Variants in SH3D19 observed in about 807,000 individuals in gnomAD.
The protein encoded by SH3D19 is SH3 domain-containing protein 19.
Under a neutral mutation model 112.1 loss-of-function variants are expected in SH3D19, and 58 were observed. That is an observed-to-expected ratio of 0.52 (90% confidence interval 0.42 to 0.64). The LOEUF (loss-of-function observed/expected upper bound fraction) is 0.64. Ranked by LOEUF, SH3D19 falls within the 30% of genes least tolerant of loss-of-function variation. The pLI, the probability that SH3D19 is intolerant of heterozygous loss-of-function variation, is 0.00. For missense variants in SH3D19, 1,090 were observed against 1,263.4 expected (o/e 0.86, Z 2.08); for synonymous variants, 391 against 448.5 (o/e 0.87, Z 1.62).
chr4:151,154,682 T>C (rs1289645900), intron 9 of SH3D19, among the ~76,000 whole-genome samples: 1 of 151,974 alleles, frequency 6.6e-6, no homozygotes, highest in Non-Finnish European at 1.5e-5. Flanking sequence ...GTTCAAGCAA[T>C]TTTCGTGCCT....
At chr4:151,290,811 A>G (rs1375858878) in intron 1 of SH3D19, among the ~76,000 whole-genome samples, 2 of 152,220 alleles carry the variant, frequency 1.3e-5, no homozygotes, top group Non-Finnish European at 2.9e-5. Flanking sequence ...AAATTAAGGC[A>G]GTTCATTCAT....
intron 13 of SH3D19, 23 bp downstream of exon 13, chr4:151,139,752 C>T (rs993956450): frequency 1.2e-6 from 2 of 1,608,064 alleles, no homozygotes; most frequent in Non-Finnish European, 1.7e-6. Context: ...GTGGTTCTCC[C>T]ACTGCATTAT....
intron 1 of SH3D19, among the ~76,000 whole-genome samples, chr4:151,248,243 TG>T (rs1386413023): frequency 6.6e-6 from 1 of 152,102 alleles, no homozygotes; most frequent in Non-Finnish European, 1.5e-5. Context: ...GGATTACAGG[TG>T]TAAGTCACCG....
chr4:151,260,286 A>G lies in SH3D19; in HGVS notation c.113-34200T>C, dbSNP rs1443610023. ...ATTTGCTGATAACACTCGCACTTGC[A>G]TCTCTAGCCCCAAACACTAGTCCTG... On this transcript the variant is annotated intron_variant, in intron 1 of 19. Transcript: ENST00000604030. Among the ~76,000 whole-genome samples, 4 of 152,276 alleles carry G rather than the reference A, an allele frequency of 2.6e-5. No homozygotes were observed. In the East Asian group the frequency reaches 5.8e-4, roughly 22 times the overall value.
chr4:151,237,070 C>G (rs932612236), intron 1 of SH3D19, among the ~76,000 whole-genome samples: 2 of 152,204 alleles, frequency 1.3e-5, no homozygotes, highest in Non-Finnish European at 2.9e-5. Context: ...GCTGCTCACC[C>G]TTTGGGTCTG....
intron 1 of SH3D19, among the ~76,000 whole-genome samples, chr4:151,245,571 G>T (rs1365142177): frequency 1.3e-5 from 2 of 152,084 alleles, no homozygotes; most frequent in African/African-American, 4.8e-5. Context: ...TTTATTGGAT[G>T]GCTTTGCATT....
rs375207164 is a variant in SH3D19, at chr4:151,304,775, G to A, written c.112+20466C>T. ...TCTAGAAGGCCAACTGTATTACCAG[G>A]ATGGGCATATGCTCAGAAAAGACCT... On this transcript the variant is annotated intron_variant, in intron 1 of 19. Transcript: ENST00000604030. Among the ~76,000 whole-genome samples, 53 of 152,270 alleles carry A rather than the reference G, an allele frequency of 3.5e-4. 1 individual carries two copies. In the South Asian group the frequency reaches 0.011, roughly 30 times the overall value.
chr4:151,251,119 A>G (rs1219765083), intron 1 of SH3D19, among the ~76,000 whole-genome samples: 3 of 151,672 alleles, frequency 2.0e-5, no homozygotes, highest in African/African-American at 7.3e-5. Flanking sequence ...GTTATAACCA[A>G]TACCTGCACC....
At chr4:151,189,725 A>C (rs1762347206) in intron 2 of SH3D19, among the ~76,000 whole-genome samples, 1 of 152,220 alleles carries the variant, frequency 6.6e-6, no homozygotes, top group Non-Finnish European at 1.5e-5. Context: ...GAGTCCAAAA[A>C]GAAAGTTTAC....
intron 1 of SH3D19, among the ~76,000 whole-genome samples, chr4:151,244,160 G>C: frequency 6.6e-6 from 1 of 152,052 alleles, no homozygotes; most frequent in East Asian, 1.9e-4. Flanking sequence ...ACAAGACACA[G>C]ACATCTTACT....
chr4:151,290,071 G>T (rs769814350), intron 1 of SH3D19, among the ~76,000 whole-genome samples: 2 of 152,156 alleles, frequency 1.3e-5, no homozygotes, highest in Non-Finnish European at 2.9e-5. Flanking sequence ...TCAGCTTCCC[G>T]AGTGGTTGGG....
chr4:151,183,574 G>GTTAAACT (rs1761282292), intron 3 of SH3D19, among the ~76,000 whole-genome samples: 1 of 152,134 alleles, frequency 6.6e-6, no homozygotes, highest in South Asian at 2.1e-4. Context: ...TCTGTGTGGA[G>GTTAAACT]CCAGGAGAGT....
intron 1 of SH3D19, among the ~76,000 whole-genome samples, chr4:151,323,894 G>GT (rs752611496): frequency 2.9e-4 from 44 of 152,214 alleles, no homozygotes; most frequent in Admixed American, 1.3e-3. Context: ...TCTGCTGAAG[G>GT]TAACAGGAAT....
chr4:151,133,112 G>A lies in SH3D19; in HGVS notation c.2611C>T (p.Arg871Ter), dbSNP rs867722477. 1.6e-5 allele frequency: 26 copies of A among 1,614,072 alleles called. No homozygotes were observed. The highest frequency in any genetic ancestry group is 1.9e-5 in the Non-Finnish European group (23 of 1,179,988). The stretch of plus-strand genomic sequence containing the variant: ...AGGGGGAAAATCCCAGTTCTGCCTC[G>A]AACTTCTCCTCTGGCCCATTCCTCA... ...VNEEWARGEV[R>*]GRTGIFPLNF... The change falls in exon 16 of 20, where the codon CGA becomes TGA. Residue 871 changes from arginine (R) to a stop codon, truncating the protein, a stop_gained. Coordinates refer to ENST00000604030, the MANE Select transcript of SH3D19 (RefSeq NM_001378122.1). LOFTEE classifies it high-confidence loss of function.
At chr4:151,171,465 T>C (rs551483935) in intron 7 of SH3D19, among the ~76,000 whole-genome samples, 1 of 152,290 alleles carries the variant, frequency 6.6e-6, no homozygotes, top group African/African-American at 2.4e-5. Context: ...TCTACTTTTA[T>C]TTGCAGTGAT....
At chr4:151,214,405 T>C (rs1368972116) in intron 2 of SH3D19, among the ~76,000 whole-genome samples, 6 of 46,578 alleles carry the variant, frequency 1.3e-4, no homozygotes, top group Non-Finnish European at 4.0e-4. Flanking sequence ...GACGGGGTGG[T>C]GGCCGGGCAG....
At chr4:151,265,543 A>G (rs2149992400) in intron 1 of SH3D19, among the ~76,000 whole-genome samples, 1 of 148,636 alleles carries the variant, frequency 6.7e-6, no homozygotes, top group South Asian at 2.2e-4. Flanking sequence ...TGATCAATTA[A>G]TCCTTATATT....
chr4:151,289,224 A>G lies in SH3D19; in HGVS notation c.112+36017T>C, dbSNP rs143493484. Among the ~76,000 whole-genome samples, 639 of 152,346 alleles carry G rather than the reference A, an allele frequency of 4.2e-3. 3 individuals are homozygous for G. The highest frequency in any genetic ancestry group is 0.014 in the African/African-American group (594 of 41,578). Reference sequence around the variant, plus strand: ...TTGGACCCTGACCTCGCCATATAACAAATTAACTCAAAATGGATCTAAGAC... The same window carrying G: ...TTGGACCCTGACCTCGCCATATAACGAATTAACTCAAAATGGATCTAAGAC... On this transcript the variant is annotated intron_variant, in intron 1 of 19. Coordinates refer to ENST00000604030, the MANE Select transcript of SH3D19 (RefSeq NM_001378122.1).
At chr4:151,225,939 A>T in intron 2 of SH3D19, 108 bp downstream of exon 2, 1 of 673,794 alleles carries the variant, frequency 1.5e-6, no homozygotes, top group Non-Finnish European at 2.1e-6. Context: ...AATGCTACAG[A>T]AGATTCCAAT....
Sources: allele counts gnomAD v4.1 joint callset (sites outside exome capture counted in the v4.1 genomes callset), GRCh38; gene constraint gnomAD v4.1.1; transcripts MANE v1.5; gene names NCBI Gene and HGNC (gene_info 2026-07-23, HGNC 2026-07-21).